Variants in PTPRZ1 observed in about 807,000 individuals in gnomAD.
The protein encoded by PTPRZ1 is receptor-type tyrosine-protein phosphatase zeta.
Under a neutral mutation model 214.1 loss-of-function variants are expected in PTPRZ1, and 82 were observed. The ratio of observed to expected loss-of-function variants is 0.38; its 90% CI spans 0.32 to 0.46. PTPRZ1 has a LOEUF of 0.46. PTPRZ1 is among the 20% of genes least tolerant of loss of function. The pLI is 1.00. For synonymous variants in PTPRZ1, 945 were observed against 987.9 expected (o/e 0.96, Z 0.81); for missense variants, 2,603 against 2,748.7 (o/e 0.95, Z 1.19).
At chr7:122,051,359 A>ATGTG (rs746385012) in intron 23 of PTPRZ1, 69 bp from the exon 24 acceptor site, 4 of 931,086 alleles carry the variant, frequency 4.3e-6, no homozygotes, top group Middle Eastern at 2.2e-4. Flanking sequence ...GTCTGTATGT[A>ATGTG]TGTGTGTGTG....
At chr7:121,914,642 T>C (rs1563015149) in intron 1 of PTPRZ1, among the ~76,000 whole-genome samples, 1 of 152,212 alleles carries the variant, frequency 6.6e-6, no homozygotes, top group Non-Finnish European at 1.5e-5. Flanking sequence ...ATTAATCTTA[T>C]TTTGTTGAAA....
In PTPRZ1 at chr7:121,984,176, T is replaced by C. The variant is rs1797701581; in HGVS notation, c.928+59T>C. 1.0e-5 allele frequency: 15 copies of C among 1,464,136 alleles called. No homozygotes were observed. The South Asian group carries it at 2.1e-4, about 21-fold the overall frequency. 90.7% of individuals were successfully genotyped at this position (1,464,136 alleles called of 1,614,324 possible). ...ATAGATGCAGTGTTATAGGAGGTAA[T>C]TTTGGTAAACTGACAAATATAGAGG... is the stretch of plus-strand genomic sequence containing the variant. On this transcript the variant is annotated intron_variant, in intron 8 of 29. Coordinates refer to ENST00000393386, the MANE Select transcript of PTPRZ1 (RefSeq NM_002851.3).
At chr7:121,941,960 A>T (rs938326346) in intron 2 of PTPRZ1, among the ~76,000 whole-genome samples, 5 of 152,222 alleles carry the variant, frequency 3.3e-5, no homozygotes, top group African/African-American at 1.2e-4. Context: ...CACTTAAAGG[A>T]TCACACAACT....
In PTPRZ1 at chr7:121,917,228, A is replaced by G. The variant is rs74422377; in HGVS notation, c.59-10928A>G. 5.9e-5 allele frequency among the ~76,000 whole-genome samples: 9 copies of G among 152,334 alleles called. No individual in the cohort carries two copies. The South Asian group carries it at 1.9e-3, about 32-fold the overall frequency. On this transcript the variant is annotated intron_variant, in intron 1 of 29. Transcript: ENST00000393386. ...TAGATGTAATCTTTTTTGTACAGTT[A>G]TGAGCAAAATCAGTGATGAATATAG...
intron 23 of PTPRZ1, among the ~76,000 whole-genome samples, chr7:122,051,012 A>G (rs186960187): frequency 2.3e-4 from 35 of 152,336 alleles, no homozygotes; most frequent in Non-Finnish European, 4.7e-4. Context: ...AATGTAGATT[A>G]TTCATGTAAT....
chr7:122,038,194 T>C (rs1364693159), intron 18 of PTPRZ1, among the ~76,000 whole-genome samples: 1 of 152,168 alleles, frequency 6.6e-6, no homozygotes, highest in Non-Finnish European at 1.5e-5. Context: ...GAAACTACAA[T>C]TTAAGATGAG....
At chr7:122,006,969 G>A (rs1798508307) in intron 11 of PTPRZ1, among the ~76,000 whole-genome samples, 1 of 152,014 alleles carries the variant, frequency 6.6e-6, no homozygotes, top group Non-Finnish European at 1.5e-5. Flanking sequence ...AGATGCTGTG[G>A]CCTCTGTAAT....
intron 10 of PTPRZ1, 58 bp downstream of exon 10, chr7:121,998,064 C>T: frequency 6.6e-7 from 1 of 1,513,994 alleles, no homozygotes; most frequent in Non-Finnish European, 9.0e-7. Flanking sequence ...AGTTTAATTA[C>T]TGTATGCATT....
rs140677750 is a variant in PTPRZ1 at position 121,930,723 on chromosome 7, TGTA to T, written c.124+2506_124+2508del. Among the ~76,000 whole-genome samples the T allele has an allele frequency of 2.5e-4, 38 of 152,306 alleles. 1 individual carries two copies. Among genetic ancestry groups the T allele is most frequent in the African/African-American group, 8.9e-4 (37 of 41,578 alleles). Reference sequence around the variant, plus strand: ...AATTGGGTATATGTTTATTAAATAATGTAGTATTGTCTTTTAAAAAACTTTATA... The same window carrying T: ...AATTGGGTATATGTTTATTAAATAATGTATTGTCTTTTAAAAAACTTTATA... On this transcript the variant is annotated intron_variant, in intron 2 of 29. Coordinates refer to ENST00000393386, the MANE Select transcript of PTPRZ1 (RefSeq NM_002851.3).
chr7:121,892,580 A>T (rs1210804000), intron 1 of PTPRZ1, among the ~76,000 whole-genome samples: 2 of 150,684 alleles, frequency 1.3e-5, no homozygotes, highest in African/African-American at 2.4e-5. Context: ...TTTAATATTT[A>T]ACAAGATTAT....
chr7:121,938,651 C>G (rs1000171128), intron 2 of PTPRZ1, among the ~76,000 whole-genome samples: 2 of 151,294 alleles, frequency 1.3e-5, no homozygotes, highest in African/African-American at 2.4e-5. Context: ...AAGGGCCTAT[C>G]TAGCTTTCAA....
Position 122,003,928 on chromosome 7 carries a change from T to C in PTPRZ1, c.1241-686T>C, listed in dbSNP as rs540765759. On this transcript the variant is annotated intron_variant, in intron 10 of 29. Coordinates refer to ENST00000393386, the MANE Select transcript of PTPRZ1 (RefSeq NM_002851.3). ...GTTGGGACAAACAGACGTGAATGAT[T>C]GTGGTCATCAGATTCTTTAAGTAGA... Among the ~76,000 whole-genome samples the C allele has an allele frequency of 6.7e-4, 102 of 152,300 alleles. 1 individual carries two copies. Among genetic ancestry groups the C allele is most frequent in the African/African-American group, 2.4e-3 (99 of 41,568 alleles).
intron 14 of PTPRZ1, among the ~76,000 whole-genome samples, chr7:122,030,181 T>A (rs1170565424): frequency 6.6e-6 from 1 of 152,052 alleles, no homozygotes. Context: ...GGGCATCTCC[T>A]TATTTCACTT....
intron 14 of PTPRZ1, among the ~76,000 whole-genome samples, chr7:122,029,188 G>C (rs1799298329): frequency 6.6e-6 from 1 of 151,702 alleles, no homozygotes; most frequent in Non-Finnish European, 1.5e-5. Context: ...ATATATGGTT[G>C]CTTGAAATAA....
chr7:122,012,654 C>T lies in PTPRZ1; in HGVS notation c.3608C>T (p.Pro1203Leu). 1 of 1,613,528 alleles carries T rather than the reference C, an allele frequency of 6.2e-7. No individual in the cohort carries two copies. Among genetic ancestry groups the T allele is most frequent in the Non-Finnish European group, 8.5e-7 (1 of 1,179,608 alleles). Residue 1203 changes from proline to leucine, a missense_variant, in exon 12 of 30, where the codon CCC becomes CTC. Physicochemically the swap from Pro to Leu is moderately conservative, Grantham distance 98. Coordinates refer to ENST00000393386, the MANE Select transcript of PTPRZ1 (RefSeq NM_002851.3). ...TLLKTVLPAV[P>L]SDPILVETPK... The stretch of plus-strand genomic sequence containing the variant: ...CTTAAAACTGTTCTTCCAGCTGTGC[C>T]CAGTGATCCAATATTGGTTGAAACC...
At chr7:122,047,401 A>C (rs546243365) in intron 23 of PTPRZ1, among the ~76,000 whole-genome samples, 66 of 152,152 alleles carry the variant, frequency 4.3e-4, no homozygotes, top group Middle Eastern at 3.4e-3. Context: ...GAGCTTCTTT[A>C]AAAACTAATG....
chr7:122,038,107 G>A (rs974198321), intron 18 of PTPRZ1, among the ~76,000 whole-genome samples: 4 of 152,042 alleles, frequency 2.6e-5, no homozygotes, highest in African/African-American at 9.7e-5. Flanking sequence ...TCACTCTCAC[G>A]AGAACAGCGT....
chr7:122,023,148 T>G (rs1799069540), intron 13 of PTPRZ1, among the ~76,000 whole-genome samples: 1 of 152,144 alleles, frequency 6.6e-6, no homozygotes, highest in African/African-American at 2.4e-5. Flanking sequence ...CCTATTTTAA[T>G]GAGAAATTAA....
chr7:122,058,323 GGATCCGAGTTGAACCTA>G (rs1404200176), intron 27 of PTPRZ1, among the ~76,000 whole-genome samples: 1 of 151,908 alleles, frequency 6.6e-6, no homozygotes, highest in Non-Finnish European at 1.5e-5. Context: ...ATCAGAATTG[GGATCCGAGTTGAACCTA>G]GATCTCTACC....
Sources: allele counts gnomAD v4.1 joint callset (sites outside exome capture counted in the v4.1 genomes callset), GRCh38; gene constraint gnomAD v4.1.1; transcripts MANE v1.5; gene names NCBI Gene and HGNC (gene_info 2026-07-23, HGNC 2026-07-21).